Variants in FOXK1 observed in about 807,000 individuals in gnomAD.
The protein encoded by FOXK1 is forkhead box K1.
FOXK1 carries 19 observed loss-of-function variants against 51.9 expected under a neutral mutation model. The observed-to-expected ratio is 0.37, with a 90% confidence interval of 0.26 to 0.54. FOXK1 has a LOEUF of 0.54. FOXK1 is among the 20% of genes least tolerant of loss of function. FOXK1 has a pLI of 0.87. For missense variants in FOXK1, 870 were observed against 1,032.7 expected, an observed-to-expected ratio of 0.84 and a Z score of 2.16; for synonymous variants, 537 against 482.6, an observed-to-expected ratio of 1.11 and a Z score of -1.48.
intron 1 of FOXK1, among the ~76,000 whole-genome samples, chr7:4,727,319 T>G (rs1780392659): frequency 6.6e-6 from 1 of 152,066 alleles, no homozygotes; most frequent in Non-Finnish European, 1.5e-5. Context: ...TAAATTTTAT[T>G]TGTTTATTTT....
chr7:4,705,542 T>G (rs1430985959), intron 1 of FOXK1, among the ~76,000 whole-genome samples: 18 of 147,384 alleles, frequency 1.2e-4, no homozygotes, highest in Non-Finnish European at 1.8e-4. Flanking sequence ...TCTCTCTCTC[T>G]CTCTCTCTCT....
At chr7:4,700,775 C>T (rs1306663706) in intron 1 of FOXK1, among the ~76,000 whole-genome samples, 2 of 152,058 alleles carry the variant, frequency 1.3e-5, no homozygotes, top group African/African-American at 4.8e-5. Flanking sequence ...TATAATCGCA[C>T]CACTACACTG....
intron 1 of FOXK1, among the ~76,000 whole-genome samples, chr7:4,701,080 G>T (rs1270212349): frequency 2.6e-5 from 4 of 152,170 alleles, no homozygotes; most frequent in Non-Finnish European, 1.5e-5. Flanking sequence ...AGGGGCGGCC[G>T]CTCACCAGCA....
rs1245191782 is a variant in FOXK1 at position 4,747,168 on chromosome 7, C to T, written c.746+6145C>T. 6.6e-6 allele frequency among the ~76,000 whole-genome samples: 1 copy of T among 152,244 alleles called. No homozygotes were observed. The highest frequency in any genetic ancestry group is 1.5e-5 in the Non-Finnish European group (1 of 68,052). On this transcript the variant is annotated intron_variant, in intron 2 of 8. Transcript: ENST00000328914. This position sits in a 1 kb window ranked among gnomAD's most constrained non-coding sequence, Gnocchi z 9.2. ...CTGTAATCTCGGAGGGTCCTAGCGC[C>T]CGACTTCTCAGGTCAGCCTCGGGTG...
In FOXK1 at chr7:4,768,167, C is replaced by T. The variant is rs1209130344; in HGVS notation, c.*5703C>T. ...TTTTTTTTTGAGACGGAGTCTCGCT[C>T]TGTCGCCCAGGCTGGAGTGCAGTGG... On this transcript the variant is annotated 3_prime_UTR_variant, in exon 9 of 9. Transcript: ENST00000328914. 1.9e-5 allele frequency: 2 copies of T among 103,886 alleles called. No homozygotes were observed. The highest frequency in any genetic ancestry group is 3.2e-4 in the South Asian group (1 of 3,152). The allele number at this position is 103,886 out of a possible 1,614,324, so 6.4% of individuals were successfully genotyped here.
intron 1 of FOXK1, among the ~76,000 whole-genome samples, chr7:4,694,204 G>A (rs1779925936): frequency 6.6e-6 from 1 of 152,168 alleles, no homozygotes; most frequent in Non-Finnish European, 1.5e-5. Context: ...TTTGTATGGA[G>A]ACATTGTTGT....
rs1419296460 is a variant in FOXK1, at chr7:4,749,921, C to T, written c.747-4538C>T. On this transcript the variant is annotated intron_variant, in intron 2 of 8. Coordinates refer to ENST00000328914, the MANE Select transcript of FOXK1 (RefSeq NM_001037165.2). The surrounding 1 kb of genome is among the most constrained non-coding windows in gnomAD (Gnocchi z 6.0). ...TGTGTCCCACAGCCCGTCCGTCCCT[C>T]TGCAGTCTCCCTGCACTGGCATGTC... Among the ~76,000 whole-genome samples, 1 of 152,218 alleles carries T rather than the reference C, an allele frequency of 6.6e-6. No homozygotes were observed. Among genetic ancestry groups the T allele is most frequent in the Non-Finnish European group, 1.5e-5 (1 of 68,038 alleles).
At chr7:4,746,614 G>A (rs1780705800) in intron 2 of FOXK1, among the ~76,000 whole-genome samples, 1 of 152,214 alleles carries the variant, frequency 6.6e-6, no homozygotes, top group South Asian at 2.1e-4. Flanking sequence ...CTTGAGCCCA[G>A]CAGTTGGAGG....
Position 4,747,639 on chromosome 7 carries a change from G to A in FOXK1, c.746+6616G>A, listed in dbSNP as rs567857324. Among the ~76,000 whole-genome samples, 60 of 151,974 alleles carry A rather than the reference G, an allele frequency of 3.9e-4. No individual in the cohort carries two copies. In the South Asian group the frequency reaches 4.2e-3, roughly 11 times the overall value. On this transcript the variant is annotated intron_variant, in intron 2 of 8. Transcript: ENST00000328914. The surrounding 1 kb of genome is among the most constrained non-coding windows in gnomAD (Gnocchi z 9.2). ...CAACCTCAACCTCCCGGGCTCAAGC[G>A]ATCCTCCCACTGCAGCCTCCTGAGT...
Position 4,753,274 on chromosome 7 carries a change from G to C in FOXK1, c.747-1185G>C, listed in dbSNP as rs1219324345. 1.3e-5 allele frequency among the ~76,000 whole-genome samples: 2 copies of C among 152,206 alleles called. No individual in the cohort carries two copies. The highest frequency in any genetic ancestry group is 2.9e-5 in the Non-Finnish European group (2 of 68,046). The stretch of plus-strand genomic sequence containing the variant: ...AAAAAATGTTTCTTGAGCCCCGCCT[G>C]CACCCAAGGGGGCTCCTACTTAACC... On this transcript the variant is annotated intron_variant, in intron 2 of 8. Transcript: ENST00000328914. This position sits in a 1 kb window ranked among gnomAD's most constrained non-coding sequence, Gnocchi z 4.9.
intron 1 of FOXK1, among the ~76,000 whole-genome samples, chr7:4,712,036 C>T (rs780777748): frequency 2.6e-5 from 4 of 151,252 alleles, no homozygotes; most frequent in Non-Finnish European, 4.4e-5. Flanking sequence ...CTTTGATATT[C>T]AGAGGTGGAT....
At position 4,750,176 on chromosome 7, in the gene FOXK1, T is replaced by G. The variant is rs540222130; in HGVS notation, c.747-4283T>G. Among the ~76,000 whole-genome samples the G allele has an allele frequency of 1.8e-4, 27 of 152,344 alleles. 1 individual carries two copies. Among genetic ancestry groups the G allele is most frequent in the African/African-American group, 6.3e-4 (26 of 41,588 alleles). On this transcript the variant is annotated intron_variant, in intron 2 of 8. Coordinates refer to ENST00000328914, the MANE Select transcript of FOXK1 (RefSeq NM_001037165.2). ...CTGCTTACTGTGCTTCTTCCCTCTC[T>G]CAGCCTCCAATCGGGGGGCACAGGC...
intron 2 of FOXK1, among the ~76,000 whole-genome samples, chr7:4,746,889 G>A (rs1017225794): frequency 6.6e-6 from 1 of 152,316 alleles, no homozygotes; most frequent in East Asian, 1.9e-4. Flanking sequence ...GTCCCTGTAG[G>A]CCTTGCTGCC....
At position 4,745,417 on chromosome 7, in the gene FOXK1, G is replaced by C. The variant is rs1012773796; in HGVS notation, c.746+4394G>C. Among the ~76,000 whole-genome samples, 1 of 151,580 alleles carries C rather than the reference G, an allele frequency of 6.6e-6. No individual in the cohort carries two copies. Among genetic ancestry groups the C allele is most frequent in the Non-Finnish European group, 1.5e-5 (1 of 67,942 alleles). On this transcript the variant is annotated intron_variant, in intron 2 of 8. Transcript: ENST00000328914. The surrounding 1 kb of genome is among the most constrained non-coding windows in gnomAD (Gnocchi z 4.3). Reference sequence around the variant, plus strand: ...CCTGCGTCCTTCCTTTCCGTTTCTCGCAGGCCCTCGCTCCTTTTCCCAGGG... The same window carrying C: ...CCTGCGTCCTTCCTTTCCGTTTCTCCCAGGCCCTCGCTCCTTTTCCCAGGG...
At position 4,733,708 on chromosome 7, in the gene FOXK1, C is replaced by G. The variant is rs1761847143; in HGVS notation, c.561-7130C>G. Among the ~76,000 whole-genome samples the G allele has an allele frequency of 6.6e-6, 1 of 152,248 alleles. No individual in the cohort carries two copies. The highest frequency in any genetic ancestry group is 6.5e-5 in the Admixed American group (1 of 15,288). Reference sequence around the variant, plus strand: ...CCAGTGCCCACATGGGAACTGCATCCTGCAGGTATCGCTCGTGAAAACCGG... The same window carrying G: ...CCAGTGCCCACATGGGAACTGCATCGTGCAGGTATCGCTCGTGAAAACCGG... On this transcript the variant is annotated intron_variant, in intron 1 of 8. Transcript: ENST00000328914. The surrounding 1 kb of genome is among the most constrained non-coding windows in gnomAD (Gnocchi z 5.0).
rs76048353 is a variant in FOXK1, at chr7:4,766,809, T to A, written c.*4345T>A. 0.019 allele frequency: 2,838 copies of A among 152,258 alleles called. 42 individuals carry two copies. Among genetic ancestry groups the A allele is most frequent in the Middle Eastern group, 0.048 (14 of 294 alleles). 9.4% of individuals were successfully genotyped at this position (152,258 alleles called of 1,614,324 possible). A position where few individuals can be genotyped will look rare whatever the true frequency, so the allele number is the denominator to read the frequency against. On this transcript the variant is annotated 3_prime_UTR_variant, in exon 9 of 9. Transcript: ENST00000328914. This position sits in a 1 kb window ranked among gnomAD's most constrained non-coding sequence, Gnocchi z 5.5. ...TGTGTCCTCTGCATAAAGAGGGCCC[T>A]CCCTGGAGCACCCCCGGGGAGCTGG...
intron 1 of FOXK1, among the ~76,000 whole-genome samples, chr7:4,701,809 T>C (rs1210326629): frequency 2.0e-5 from 3 of 152,018 alleles, no homozygotes; most frequent in Non-Finnish European, 4.4e-5. Flanking sequence ...AGGAGAATGG[T>C]GGGAACCTGG....
At chr7:4,700,039 G>C (rs1485068800) in intron 1 of FOXK1, among the ~76,000 whole-genome samples, 1 of 152,172 alleles carries the variant, frequency 6.6e-6, no homozygotes, top group Non-Finnish European at 1.5e-5. Context: ...GCGTTTCAGA[G>C]TAAATATTGC....
At chr7:4,688,179 G>C (rs1326994561) in intron 1 of FOXK1, among the ~76,000 whole-genome samples, 1 of 128,962 alleles carries the variant, frequency 7.8e-6, no homozygotes, top group East Asian at 2.3e-4. Context: ...TTTCCCCCTC[G>C]CCCCAGTTCT....
Sources: gnomAD v4.1 joint callset for allele counts (sites outside exome capture counted in the v4.1 genomes callset) on GRCh38, gnomAD v4.1.1 for gene constraint, Gnocchi (gnomAD v3.1) non-coding constraint, MANE v1.5 for transcripts, NCBI Gene and HGNC (gene_info 2026-07-23, HGNC 2026-07-21) for gene names.